HDX: variants seen among roughly 807,000 people sequenced by gnomAD.
The protein encoded by HDX is chromosome X open reading frame 43.
HDX carries 19 observed loss-of-function variants against 45.2 expected under a neutral mutation model. The ratio of observed to expected loss-of-function variants is 0.42; its 90% CI spans 0.29 to 0.62. HDX has a LOEUF of 0.62. HDX is among the 20% of genes least tolerant of loss of function. The pLI, the probability that HDX is intolerant of heterozygous loss-of-function variation, is 0.20. For synonymous variants in HDX, 188 were observed against 172.8 expected (o/e 1.09, Z -0.69); for missense variants, 532 against 493.9 (o/e 1.08, Z -0.73).
chrX:84,465,274 C>T lies in HDX; in HGVS notation c.1251+3198G>A, dbSNP rs943385464. 1.8e-4 allele frequency among the ~76,000 whole-genome samples: 20 copies of T among 111,828 alleles called. 1 individual carries two copies. Among genetic ancestry groups the T allele is most frequent in the Admixed American group, 7.6e-4 (8 of 10,590 alleles). On this transcript the variant is annotated intron_variant, in intron 4 of 10. Coordinates refer to ENST00000373177, the MANE Select transcript of HDX (RefSeq NM_001177479.2). The stretch of plus-strand genomic sequence containing the variant: ...GGAAGACAGTGTGGCAAATCCTCAA[C>T]GATCTAGAACCAGATATACCATTTG...
intron 5 of HDX, among the ~76,000 whole-genome samples, chrX:84,411,235 C>T (rs1275279572): frequency 9.0e-6 from 1 of 111,327 alleles, no homozygotes; most frequent in Admixed American, 9.6e-5. Context: ...TTCTCTAGCT[C>T]TTCTGGGTGT....
At chrX:84,394,779 T>C (rs993327201) in intron 5 of HDX, among the ~76,000 whole-genome samples, 1 of 111,243 alleles carries the variant, frequency 9.0e-6, no homozygotes, top group East Asian at 2.8e-4. Flanking sequence ...AGTTTTTTTT[T>C]ATTTAACATC....
chrX:84,420,081 T>G (rs1257034208), intron 5 of HDX, among the ~76,000 whole-genome samples: 1 of 111,442 alleles, frequency 9.0e-6, no homozygotes, highest in African/African-American at 3.3e-5. Context: ...GCCTAACTCA[T>G]CAATTCCCAG....
In HDX at chrX:84,468,761, G is replaced by T; in HGVS notation, c.962C>A (p.Pro321Gln). 8.3e-7 allele frequency: 1 copy of T among 1,211,327 alleles called. No homozygotes were observed. Among genetic ancestry groups the T allele is most frequent in the African/African-American group, 1.7e-5 (1 of 57,745 alleles). Residue 321 changes from proline to glutamine, a missense_variant, in exon 4 of 11, where the codon CCA becomes CAA. Physicochemically the swap from Pro to Gln is moderately conservative, Grantham distance 76 (BLOSUM62 -1). Coordinates refer to ENST00000373177, the MANE Select transcript of HDX (RefSeq NM_001177479.2). ...ACTTTCATAAAATCTCGAATAGCTTGGTATCTGTGCTCTCATCGATGCCAG... is the reference window on the plus strand; with the variant it reads ...ACTTTCATAAAATCTCGAATAGCTTTGTATCTGTGCTCTCATCGATGCCAG... ...EELASMRAQI[P>Q]SYSRFYESGS...
At chrX:84,385,157 C>T (rs1192803240) in intron 5 of HDX, among the ~76,000 whole-genome samples, 1 of 92,780 alleles carries the variant, frequency 1.1e-5, no homozygotes, top group East Asian at 3.6e-4. Context: ...AATTCATGAG[C>T]ATGGAATTTT....
intron 4 of HDX, among the ~76,000 whole-genome samples, chrX:84,450,835 T>C (rs982188792): frequency 6.2e-5 from 7 of 112,016 alleles, no homozygotes; most frequent in African/African-American, 2.3e-4. Context: ...AAATTACAAC[T>C]ATATAGAGTA....
chrX:84,422,529 G>A (rs772748852), intron 5 of HDX, among the ~76,000 whole-genome samples: 1 of 110,357 alleles, frequency 9.1e-6, no homozygotes, highest in East Asian at 2.8e-4. Flanking sequence ...TTAAATTAAA[G>A]TGAAAAAATT....
intron 2 of HDX, among the ~76,000 whole-genome samples, chrX:84,480,046 T>C (rs1034745993): frequency 8.9e-6 from 1 of 111,824 alleles, no homozygotes; most frequent in Non-Finnish European, 1.9e-5. Context: ...TAGAGATTTA[T>C]AGTTTTCAGA....
intron 1 of HDX, among the ~76,000 whole-genome samples, chrX:84,493,385 G>A (rs1240698860): frequency 1.8e-5 from 2 of 110,995 alleles, no homozygotes; most frequent in African/African-American, 6.5e-5. Flanking sequence ...ATTTTCTCAG[G>A]GCACAAAGAA....
intron 5 of HDX, among the ~76,000 whole-genome samples, chrX:84,379,302 C>T (rs1173590499): frequency 2.7e-5 from 3 of 110,045 alleles, no homozygotes; most frequent in Non-Finnish European, 5.7e-5. Context: ...CTTCAACACC[C>T]CACTTTCATC....
intron 3 of HDX, among the ~76,000 whole-genome samples, chrX:84,470,174 C>T (rs1044873731): frequency 6.3e-5 from 7 of 111,020 alleles, no homozygotes; most frequent in African/African-American, 2.3e-4. Context: ...TTGCCATATA[C>T]CTCATCGTAG....
intron 6 of HDX, among the ~76,000 whole-genome samples, chrX:84,355,803 A>G (rs1326567240): frequency 9.1e-6 from 1 of 109,335 alleles, no homozygotes; most frequent in Non-Finnish European, 1.9e-5. Context: ...GCACAAGTAT[A>G]CGCACGTAAC....
chrX:84,498,957 C>G (rs2041065670), intron 1 of HDX, among the ~76,000 whole-genome samples: 1 of 110,983 alleles, frequency 9.0e-6, no homozygotes, highest in African/African-American at 3.3e-5. Context: ...GATTAGAAGT[C>G]AAACCCGTGA....
Position 84,467,768 on chromosome X carries a change from C to T in HDX, c.1251+704G>A, listed in dbSNP as rs1052055886. 6.3e-5 allele frequency among the ~76,000 whole-genome samples: 7 copies of T among 111,399 alleles called. No homozygotes were observed. In the Admixed American group the frequency reaches 6.7e-4, roughly 11 times the overall value. ...AATTATCTATAGGATAAGAGATGTT[C>T]TGAGGTAGGCTTACACCTCACTGTT... On this transcript the variant is annotated intron_variant, in intron 4 of 10. Transcript: ENST00000373177.
At chrX:84,476,510 A>G (rs768312766) in intron 2 of HDX, among the ~76,000 whole-genome samples, 1 of 94,337 alleles carries the variant, frequency 1.1e-5, no homozygotes, top group African/African-American at 4.1e-5. Context: ...ACACCACTGC[A>G]CTCCAGCCTG....
intron 5 of HDX, among the ~76,000 whole-genome samples, chrX:84,393,984 T>C (rs1381058687): frequency 9.0e-6 from 1 of 111,364 alleles, no homozygotes; most frequent in East Asian, 2.8e-4. Flanking sequence ...ATCTTTTGTA[T>C]TTTTTTAGTC....
chrX:84,408,694 A>G (rs2038902663), intron 5 of HDX, among the ~76,000 whole-genome samples: 2 of 109,625 alleles, frequency 1.8e-5, no homozygotes, highest in Non-Finnish European at 3.8e-5. Context: ...CCTATCCATG[A>G]GAGTGGAAGA....
chrX:84,326,362 G>C, intron 9 of HDX, 62 bp from the exon 10 acceptor site: 1 of 840,370 alleles, frequency 1.2e-6, no homozygotes, highest in Non-Finnish European at 1.7e-6. Flanking sequence ...ATACATGTTT[G>C]ATGCACAATA....
At chrX:84,377,229 C>T (rs758476860) in intron 5 of HDX, among the ~76,000 whole-genome samples, 1 of 111,919 alleles carries the variant, frequency 8.9e-6, no homozygotes, top group Non-Finnish European at 1.9e-5. Context: ...GCTTAGATTA[C>T]AACACCCAAG....
Sources: allele counts gnomAD v4.1 joint callset (sites outside exome capture counted in the v4.1 genomes callset), GRCh38; gene constraint gnomAD v4.1.1; transcripts MANE v1.5; gene names NCBI Gene and HGNC (gene_info 2026-07-23, HGNC 2026-07-21).